EPC2: variants seen among roughly 807,000 people sequenced by gnomAD.
The protein encoded by EPC2 is enhancer of polycomb 2.
Under a neutral mutation model 92.1 loss-of-function variants are expected in EPC2, and 14 were observed. The ratio of observed to expected loss-of-function variants is 0.15; its 90% CI spans 0.10 to 0.24. EPC2 has a LOEUF of 0.24. EPC2 is among the 10% of genes least tolerant of loss of function. The pLI, the probability that EPC2 is intolerant of heterozygous loss-of-function variation, is 1.00. For missense variants in EPC2, 755 were observed against 971.5 expected (o/e 0.78, Z 2.96); for synonymous variants, 340 against 334.7 (o/e 1.02, Z -0.17).
At chr2:148,769,947 G>A (rs900886919) in intron 8 of EPC2, among the ~76,000 whole-genome samples, 2 of 151,986 alleles carry the variant, frequency 1.3e-5, no homozygotes, top group Non-Finnish European at 2.9e-5. Flanking sequence ...ATGAGAGAAG[G>A]GAAAATTCTT....
At chr2:148,746,643 A>T (rs1366646927) in intron 3 of EPC2, among the ~76,000 whole-genome samples, 1 of 152,124 alleles carries the variant, frequency 6.6e-6, no homozygotes, top group Non-Finnish European at 1.5e-5. Context: ...AATTGACAAT[A>T]TTGGAATATA....
intron 7 of EPC2, among the ~76,000 whole-genome samples, chr2:148,768,142 G>A (rs1173086825): frequency 3.3e-5 from 5 of 152,148 alleles, no homozygotes; most frequent in Admixed American, 6.5e-5. Context: ...CTCGAAATAG[G>A]AAGAGAGGGA....
chr2:148,771,601 C>T (rs1252168920), intron 10 of EPC2, among the ~76,000 whole-genome samples: 2 of 151,948 alleles, frequency 1.3e-5, no homozygotes, highest in African/African-American at 2.4e-5. Context: ...TAAATGTAGG[C>T]AGAATGCATA....
Position 148,783,726 on chromosome 2 carries a change from A to G in EPC2, c.1987A>G (p.Asn663Asp). Reference protein sequence around the residue: ...EVAKEQNTGHNNINGVVQPSG... With the variant: ...EVAKEQNTGHDNINGVVQPSG... ...AGCCAAGGAACAGAACACTGGCCAC[A>G]ACAACATAAACGGTGTTGTCCAGCC... Residue 663 changes from asparagine to aspartate, a missense_variant, in exon 12 of 14, where the codon AAC becomes GAC. Asn to Asp is a conservative substitution (Grantham distance 23). Transcript: ENST00000258484. 1.3e-6 allele frequency: 2 copies of G among 1,591,992 alleles called. No individual in the cohort carries two copies. Among genetic ancestry groups the G allele is most frequent in the Non-Finnish European group, 1.7e-6 (2 of 1,168,284 alleles).
intron 1 of EPC2, among the ~76,000 whole-genome samples, chr2:148,661,897 G>GGT (rs776594758): frequency 9.2e-5 from 14 of 152,012 alleles, no homozygotes; most frequent in Non-Finnish European, 1.8e-4. Flanking sequence ...TTGGTAATGA[G>GGT]GTGTTACTCT....
At chr2:148,707,990 C>G (rs921004494) in intron 2 of EPC2, among the ~76,000 whole-genome samples, 1 of 149,002 alleles carries the variant, frequency 6.7e-6, no homozygotes, top group African/African-American at 2.6e-5. Context: ...CAAGAAATAA[C>G]TTAAGATCAG....
chr2:148,757,109 G>T (rs1217547737), intron 4 of EPC2, among the ~76,000 whole-genome samples: 1 of 152,216 alleles, frequency 6.6e-6, no homozygotes, highest in Non-Finnish European at 1.5e-5. Flanking sequence ...GGGCGTGGTG[G>T]CTCACGCCTG....
intron 1 of EPC2, among the ~76,000 whole-genome samples, chr2:148,663,722 G>A (rs1254795952): frequency 6.9e-6 from 1 of 144,880 alleles, no homozygotes; most frequent in African/African-American, 2.6e-5. Context: ...GACCAGTTTT[G>A]TGGAAGATAA....
chr2:148,773,317 GT>G (rs1446438068), intron 10 of EPC2, among the ~76,000 whole-genome samples: 1 of 152,068 alleles, frequency 6.6e-6, no homozygotes, highest in African/African-American at 2.4e-5. Context: ...AGTAATCAGT[GT>G]TAACATCATA....
intron 1 of EPC2, among the ~76,000 whole-genome samples, chr2:148,686,218 T>C (rs1428984531): frequency 2.0e-5 from 3 of 152,224 alleles, no homozygotes; most frequent in African/African-American, 4.8e-5. Context: ...TCACAACATC[T>C]TCACCTGCAG....
At position 148,671,286 on chromosome 2, in the gene EPC2, G is replaced by GTTTTT. The variant is rs369058386; in HGVS notation, c.154-18928_154-18927insTTTTT. ...ATGCTAAATCTCTATTGTGGATTGT[G>GTTTTT]ATTTTTTTTTTTTTTTTTTTTGTAG... is the stretch of plus-strand genomic sequence containing the variant. On this transcript the variant is annotated intron_variant, in intron 1 of 13. Transcript: ENST00000258484. Among the ~76,000 whole-genome samples, 419 of 130,438 alleles carry GTTTTT rather than the reference G, an allele frequency of 3.2e-3. 5 individuals carry two copies. Among genetic ancestry groups the GTTTTT allele is most frequent in the African/African-American group, 0.011 (374 of 32,820 alleles). The allele number at this position is 130,438 out of a possible 152,430, so 85.6% of individuals were successfully genotyped here.
In EPC2 at chr2:148,769,137, C is replaced by T. The variant is rs1230510614; in HGVS notation, c.1141-14C>T. Reference sequence around the variant, plus strand: ...CTTTTGATAACTTCTAAATGGAATGCCTCTTTTGTCTAGGTATTGTCCCCA... The same window carrying T: ...CTTTTGATAACTTCTAAATGGAATGTCTCTTTTGTCTAGGTATTGTCCCCA... On this transcript the variant is annotated splice_polypyrimidine_tract_variant and intron_variant, in intron 7 of 13. Transcript: ENST00000258484. The T allele has an allele frequency of 2.5e-6, 4 of 1,578,398 alleles. No individual in the cohort carries two copies. Among genetic ancestry groups the T allele is most frequent in the Non-Finnish European group, 3.5e-6 (4 of 1,150,466 alleles).
intron 2 of EPC2, among the ~76,000 whole-genome samples, chr2:148,738,798 C>T (rs183834343): frequency 3.8e-4 from 58 of 152,226 alleles, no homozygotes; most frequent in East Asian, 1.3e-3. Context: ...TTGATAAATA[C>T]GTGGACATAA....
intron 2 of EPC2, among the ~76,000 whole-genome samples, chr2:148,729,652 A>G (rs2105396838): frequency 6.6e-6 from 1 of 152,322 alleles, no homozygotes; most frequent in South Asian, 2.1e-4. Flanking sequence ...CAAGGGATGG[A>G]AAATCTGATG....
chr2:148,711,206 G>C (rs1179687344), intron 2 of EPC2, among the ~76,000 whole-genome samples: 1 of 151,720 alleles, frequency 6.6e-6, no homozygotes, highest in South Asian at 2.1e-4. Context: ...AATATATGCA[G>C]TCAGTCCTAT....
intron 10 of EPC2, among the ~76,000 whole-genome samples, chr2:148,776,272 C>T (rs1335923815): frequency 1.3e-5 from 2 of 152,014 alleles, no homozygotes; most frequent in African/African-American, 2.4e-5. Context: ...AAGTGAGAAA[C>T]GGATTCAGAC....
chr2:148,690,137 A>G (rs1681614284), intron 1 of EPC2, 77 bp from the exon 2 acceptor site: 6 of 1,363,844 alleles, frequency 4.4e-6, no homozygotes, highest in Admixed American at 2.8e-5. Flanking sequence ...ATTATTAAAC[A>G]AAGTAACTTT....
At chr2:148,671,254 A>G (rs1182851301) in intron 1 of EPC2, among the ~76,000 whole-genome samples, 8 of 150,106 alleles carry the variant, frequency 5.3e-5, no homozygotes, top group Non-Finnish European at 8.9e-5. Flanking sequence ...TGTAAAAATA[A>G]TCATAAATGC....
chr2:148,755,646 C>G (rs1683175845), intron 4 of EPC2, among the ~76,000 whole-genome samples: 2 of 152,190 alleles, frequency 1.3e-5, no homozygotes, highest in South Asian at 4.1e-4. Context: ...ACACACTGTA[C>G]AGGTTTGTAG....
Sources: allele counts gnomAD v4.1 joint callset (sites outside exome capture counted in the v4.1 genomes callset), GRCh38; gene constraint gnomAD v4.1.1; transcripts MANE v1.5; gene names NCBI Gene and HGNC (gene_info 2026-07-23, HGNC 2026-07-21).